Variants in UCK2 observed in about 807,000 individuals in gnomAD.
The protein encoded by UCK2 is cytidine monophosphokinase 2.
UCK2 carries 6 observed loss-of-function variants against 30.8 expected under a neutral mutation model. The observed-to-expected ratio is 0.19, with a 90% CI of 0.11 to 0.38. UCK2 has a LOEUF of 0.38. Ranked by LOEUF, UCK2 falls within the 10% of genes least tolerant of loss-of-function variation. UCK2 has a pLI of 1.00. For missense variants in UCK2, 210 were observed against 339.8 expected (o/e 0.62, Z 3.00); for synonymous variants, 125 against 133.6 (o/e 0.94, Z 0.45).
chr1:165,877,973 A>G (rs1044630129), intron 1 of UCK2, among the ~76,000 whole-genome samples: 2 of 152,172 alleles, frequency 1.3e-5, no homozygotes, highest in African/African-American at 2.4e-5. Flanking sequence ...ATGAACCTAC[A>G]TTGTCACATC....
intron 1 of UCK2, among the ~76,000 whole-genome samples, chr1:165,833,192 A>G (rs560737272): frequency 6.4e-4 from 98 of 152,274 alleles, no homozygotes; most frequent in Non-Finnish European, 1.1e-3. Context: ...AGGTGTTCCC[A>G]GGACTGTGGG....
chr1:165,876,380 G>T (rs1330629026), intron 1 of UCK2, among the ~76,000 whole-genome samples: 2 of 152,144 alleles, frequency 1.3e-5, no homozygotes, highest in African/African-American at 4.8e-5. Flanking sequence ...TAGTAAGTAT[G>T]ATAAATTATT....
chr1:165,864,767 C>T (rs553967415), intron 1 of UCK2, among the ~76,000 whole-genome samples: 1 of 152,168 alleles, frequency 6.6e-6, no homozygotes, highest in Non-Finnish European at 1.5e-5. Context: ...GCAGCCCCGA[C>T]CTCCTGGACT....
chr1:165,828,084 G>A, intron 1 of UCK2, 152 bp downstream of exon 1: 1 of 351,550 alleles, frequency 2.8e-6, no homozygotes, highest in Non-Finnish European at 4.1e-6. Flanking sequence ...AGTGCGCCCC[G>A]CGCGGCCTGG....
In UCK2 at chr1:165,909,216, G is replaced by A. The variant is rs1194769606; in HGVS notation, c.*1393G>A. 1 of 152,078 alleles carries A rather than the reference G, an allele frequency of 6.6e-6. No homozygotes were observed. Among genetic ancestry groups the A allele is most frequent in the East Asian group, 1.9e-4 (1 of 5,184 alleles). The allele number at this position is 152,078 out of a possible 1,614,324, so 9.4% of individuals were successfully genotyped here. On this transcript the variant is annotated 3_prime_UTR_variant, in exon 7 of 7. Transcript: ENST00000367879. ...GTACAGATTCCTGACATTCTGGGTGGAGGGGAGCCCAAGTGAGCCTGAAGG... is the reference window on the plus strand; with the variant it reads ...GTACAGATTCCTGACATTCTGGGTGAAGGGGAGCCCAAGTGAGCCTGAAGG...
chr1:165,901,773 G>A (rs578145540), intron 4 of UCK2, among the ~76,000 whole-genome samples: 4 of 152,126 alleles, frequency 2.6e-5, no homozygotes, highest in Non-Finnish European at 5.9e-5. Flanking sequence ...CTCATGTACA[G>A]CGGCAGAATG....
chr1:165,893,188 A>G (rs1655813464), intron 3 of UCK2, among the ~76,000 whole-genome samples: 2 of 152,206 alleles, frequency 1.3e-5, no homozygotes, highest in Admixed American at 1.3e-4. Flanking sequence ...CCAGGGCCTG[A>G]CCAGTGCAGT....
At chr1:165,878,977 T>G (rs1655407561) in intron 1 of UCK2, among the ~76,000 whole-genome samples, 1 of 152,238 alleles carries the variant, frequency 6.6e-6, no homozygotes, top group African/African-American at 2.4e-5. Context: ...TTGTTAGCAC[T>G]TGGTGTTGTC....
chr1:165,882,353 CTAA>C (rs990831666), intron 1 of UCK2, among the ~76,000 whole-genome samples: 1 of 152,166 alleles, frequency 6.6e-6, no homozygotes, highest in African/African-American at 2.4e-5. Flanking sequence ...GAGCCATATA[CTAA>C]GGTGTGCTGG....
At chr1:165,876,878 C>T (rs1655350374) in intron 1 of UCK2, among the ~76,000 whole-genome samples, 1 of 152,194 alleles carries the variant, frequency 6.6e-6, no homozygotes, top group African/African-American at 2.4e-5. Flanking sequence ...TATGGCTTTC[C>T]CTCATGTCTC....
At chr1:165,852,212 T>G (rs1325357746) in intron 1 of UCK2, among the ~76,000 whole-genome samples, 2 of 152,180 alleles carry the variant, frequency 1.3e-5, no homozygotes, top group African/African-American at 4.8e-5. Flanking sequence ...ATTGATAAAT[T>G]GATAAAGTTG....
intron 1 of UCK2, among the ~76,000 whole-genome samples, chr1:165,839,903 C>G (rs1211449718): frequency 6.6e-6 from 1 of 152,238 alleles, no homozygotes; most frequent in Non-Finnish European, 1.5e-5. Flanking sequence ...GCTGTCAGAA[C>G]AGGCTGGTTG....
At chr1:165,844,841 G>A (rs1340441146) in intron 1 of UCK2, among the ~76,000 whole-genome samples, 1 of 152,202 alleles carries the variant, frequency 6.6e-6, no homozygotes, top group Non-Finnish European at 1.5e-5. Flanking sequence ...ACTGCCTCGA[G>A]AGGGTGTGGA....
At chr1:165,873,781 G>A (rs971919007) in intron 1 of UCK2, among the ~76,000 whole-genome samples, 4 of 152,192 alleles carry the variant, frequency 2.6e-5, no homozygotes, top group Non-Finnish European at 4.4e-5. Flanking sequence ...CGAGACGTGG[G>A]GGGTGGTGCT....
intron 1 of UCK2, among the ~76,000 whole-genome samples, chr1:165,832,617 A>T (rs1654078920): frequency 6.6e-6 from 1 of 151,650 alleles, no homozygotes; most frequent in African/African-American, 2.4e-5. Flanking sequence ...TTTATTTTTT[A>T]TTTATTTTTG....
chr1:165,874,765 C>T (rs750023009), intron 1 of UCK2, among the ~76,000 whole-genome samples: 4 of 151,928 alleles, frequency 2.6e-5, no homozygotes, highest in Admixed American at 6.6e-5. Flanking sequence ...TTTGTTTTAC[C>T]GAGGACATGA....
chr1:165,836,532 A>T (rs2101849481), intron 1 of UCK2, among the ~76,000 whole-genome samples: 1 of 152,318 alleles, frequency 6.6e-6, no homozygotes, highest in East Asian at 1.9e-4. Context: ...CTAGCTTGCC[A>T]TTCATCTCCT....
chr1:165,896,433 A>G (rs1647261325), intron 4 of UCK2, 101 bp downstream of exon 4: 1 of 1,395,134 alleles, frequency 7.2e-7, no homozygotes, highest in African/African-American at 1.4e-5. Flanking sequence ...TCTGAAGCCC[A>G]TGCCTTCCCT....
At chr1:165,852,550 A>G (rs1654623847) in intron 1 of UCK2, among the ~76,000 whole-genome samples, 1 of 152,238 alleles carries the variant, frequency 6.6e-6, no homozygotes, top group Non-Finnish European at 1.5e-5. Context: ...GCGATTATTA[A>G]AAAGTCAGGA....
Sources: allele counts gnomAD v4.1 joint callset (sites outside exome capture counted in the v4.1 genomes callset), GRCh38; gene constraint gnomAD v4.1.1; transcripts MANE v1.5; gene names NCBI Gene and HGNC (gene_info 2026-07-23, HGNC 2026-07-21).